Variants in UBASH3B observed in about 807,000 individuals in gnomAD.
UBASH3B encodes ubiquitin-associated and SH3 domain-containing protein B.
UBASH3B carries 37 observed loss-of-function variants against 83.4 expected under a neutral mutation model. The observed-to-expected ratio is 0.44, with a 90% CI of 0.34 to 0.58. The LOEUF (loss-of-function observed/expected upper bound fraction) is 0.58. Among genes scored for constraint, UBASH3B ranks in the 20% least tolerant of loss-of-function variants. The pLI is 0.01. For synonymous variants in UBASH3B, 304 were observed against 318.3 expected (o/e 0.96, Z 0.48); for missense variants, 657 against 827.2 (o/e 0.79, Z 2.52).
intron 1 of UBASH3B, among the ~76,000 whole-genome samples, chr11:122,667,641 A>T (rs1014513599): frequency 6.6e-6 from 1 of 152,130 alleles, no homozygotes; most frequent in Non-Finnish European, 1.5e-5. Flanking sequence ...CAGGAGCAAT[A>T]CTCTTCAGTT....
intron 1 of UBASH3B, among the ~76,000 whole-genome samples, chr11:122,674,336 A>T (rs1217367192): frequency 6.6e-6 from 1 of 150,678 alleles, no homozygotes; most frequent in Non-Finnish European, 1.5e-5. Context: ...GTCATCTCTT[A>T]TGTGCCAATC....
intron 7 of UBASH3B, 128 bp downstream of exon 7, chr11:122,794,962 C>A: frequency 7.5e-7 from 1 of 1,335,898 alleles, no homozygotes; most frequent in Non-Finnish European, 1.0e-6. Flanking sequence ...GAAAGTACAC[C>A]AAATTATAAA....
intron 1 of UBASH3B, among the ~76,000 whole-genome samples, chr11:122,714,772 T>C (rs1860480642): frequency 6.6e-6 from 1 of 152,164 alleles, no homozygotes; most frequent in South Asian, 2.1e-4. Flanking sequence ...TAGGATGGTG[T>C]TGAAGAACAG....
intron 1 of UBASH3B, among the ~76,000 whole-genome samples, chr11:122,692,587 T>C (rs1270238411): frequency 1.3e-5 from 2 of 152,200 alleles, no homozygotes; most frequent in African/African-American, 4.8e-5. Flanking sequence ...GTGAGCCTTC[T>C]CAGCAGGAAT....
chr11:122,794,889 C>A, intron 7 of UBASH3B, 55 bp downstream of exon 7: 1 of 1,605,510 alleles, frequency 6.2e-7, no homozygotes, highest in Non-Finnish European at 8.5e-7. Flanking sequence ...TCACTGAGAA[C>A]CTATTTATTA....
chr11:122,656,604 G>T (rs1331500686), intron 1 of UBASH3B, among the ~76,000 whole-genome samples: 2 of 152,194 alleles, frequency 1.3e-5, no homozygotes, highest in Non-Finnish European at 1.5e-5. Context: ...CACCCTCTCC[G>T]TCTGGAATAC....
chr11:122,793,678 A>T (rs1861099413), intron 6 of UBASH3B, among the ~76,000 whole-genome samples: 1 of 152,254 alleles, frequency 6.6e-6, no homozygotes, highest in Admixed American at 6.5e-5. Flanking sequence ...CAATAATTTA[A>T]GCTTGGCAGG....
chr11:122,656,952 C>T (rs1052910696), intron 1 of UBASH3B, among the ~76,000 whole-genome samples: 1 of 152,188 alleles, frequency 6.6e-6, no homozygotes, highest in African/African-American at 2.4e-5. Flanking sequence ...GCGCAGGTGG[C>T]TGCCCCTGGA....
chr11:122,742,617 C>T (rs1462129705), intron 1 of UBASH3B, among the ~76,000 whole-genome samples: 5 of 152,292 alleles, frequency 3.3e-5, no homozygotes, highest in East Asian at 1.9e-4. Flanking sequence ...GGCGGCCTGC[C>T]GACATCCCCA....
At chr11:122,802,256 A>G (rs930910833) in intron 11 of UBASH3B, among the ~76,000 whole-genome samples, 2 of 142,118 alleles carry the variant, frequency 1.4e-5, no homozygotes, top group South Asian at 2.4e-4. Flanking sequence ...CGGAGGTTGC[A>G]GTGAGCCAAG....
Position 122,655,762 on chromosome 11 carries a change from G to T in UBASH3B, c.-288G>T. 2 of 364,722 alleles carry T rather than the reference G, an allele frequency of 5.5e-6. No individual in the cohort carries two copies. The highest frequency in any genetic ancestry group is 1.6e-4 in the South Asian group (2 of 12,364). 22.6% of individuals were successfully genotyped at this position (364,722 alleles called of 1,614,324 possible). A position where few individuals can be genotyped will look rare whatever the true frequency, so the allele number is the denominator to read the frequency against. ...ACTGCTAGGCGAGGAGAGGGAAGGG[G>T]GCGGAGGAGACAGGGCTACTGCAGG... is the stretch of plus-strand genomic sequence containing the variant. On this transcript the variant is annotated 5_prime_UTR_variant, in exon 1 of 14. Transcript: ENST00000284273.
chr11:122,708,964 T>A (rs1864158769), intron 1 of UBASH3B, among the ~76,000 whole-genome samples: 1 of 152,160 alleles, frequency 6.6e-6, no homozygotes, highest in African/African-American at 2.4e-5. Flanking sequence ...AACTCATTCA[T>A]GGTCAGGTAC....
intron 1 of UBASH3B, among the ~76,000 whole-genome samples, chr11:122,674,641 A>C (rs539945491): frequency 4.3e-4 from 66 of 151,826 alleles, no homozygotes; most frequent in African/African-American, 9.4e-4. Context: ...TCGGCATCCC[A>C]AAGTACTGGG....
intron 1 of UBASH3B, among the ~76,000 whole-genome samples, chr11:122,754,222 A>G (rs1861248631): frequency 6.6e-6 from 1 of 152,232 alleles, no homozygotes; most frequent in Non-Finnish European, 1.5e-5. Flanking sequence ...TTTCCTAGGA[A>G]AAAGGGAGCC....
chr11:122,771,707 T>G (rs1025937964), intron 1 of UBASH3B, among the ~76,000 whole-genome samples: 1 of 151,044 alleles, frequency 6.6e-6, no homozygotes, highest in Non-Finnish European at 1.5e-5. Context: ...CTAAACACCT[T>G]AATAAGTATT....
At chr11:122,754,914 C>T (rs1479899337) in intron 1 of UBASH3B, among the ~76,000 whole-genome samples, 3 of 152,120 alleles carry the variant, frequency 2.0e-5, no homozygotes, top group African/African-American at 7.2e-5. Flanking sequence ...GACTCTACCA[C>T]CAGCTCGGTC....
At chr11:122,660,092 C>G (rs934008729) in intron 1 of UBASH3B, among the ~76,000 whole-genome samples, 6 of 152,146 alleles carry the variant, frequency 3.9e-5, no homozygotes, top group African/African-American at 1.4e-4. Context: ...GCTAAGAGGA[C>G]CAGAGGGCTG....
intron 1 of UBASH3B, among the ~76,000 whole-genome samples, chr11:122,761,779 CTTTTTTTT>C (rs138806467): frequency 6.3e-4 from 41 of 65,404 alleles, no homozygotes; most frequent in South Asian, 3.1e-3. Flanking sequence ...CTCCCAGATC[CTTTTTTTT>C]TTTTTTTTTT....
At chr11:122,780,737 C>T (rs1381888881) in intron 4 of UBASH3B, among the ~76,000 whole-genome samples, 1 of 152,178 alleles carries the variant, frequency 6.6e-6, no homozygotes, top group Non-Finnish European at 1.5e-5. Flanking sequence ...GGCAGGAGCA[C>T]AGGCAGGCAG....
Sources: allele counts gnomAD v4.1 joint callset (sites outside exome capture counted in the v4.1 genomes callset), GRCh38; gene constraint gnomAD v4.1.1; transcripts MANE v1.5; gene names NCBI Gene and HGNC (gene_info 2026-07-23, HGNC 2026-07-21).